Variants in ZBBX observed in about 807,000 individuals in gnomAD.
ZBBX encodes zinc finger B-box domain-containing protein 1.
Under a neutral mutation model 108.5 loss-of-function variants are expected in ZBBX, and 101 were observed. The observed-to-expected ratio is 0.93, with a 90% CI of 0.79 to 1.10. The LOEUF is 1.10. ZBBX is among the 50% of genes least tolerant of loss of function. The pLI, the probability that ZBBX is intolerant of heterozygous loss-of-function variation, is 0.00. For synonymous variants in ZBBX, 356 were observed against 323.4 expected, an observed-to-expected ratio of 1.10 and a Z score of -1.08; for missense variants, 1,009 against 941.4, an observed-to-expected ratio of 1.07 and a Z score of -0.94.
At chr3:167,342,269 C>A (rs1457006875) in intron 9 of ZBBX, among the ~76,000 whole-genome samples, 1 of 151,642 alleles carries the variant, frequency 6.6e-6, no homozygotes, top group Non-Finnish European at 1.5e-5. Flanking sequence ...ATAGGTAGCA[C>A]CTGCAAATTA....
upstream of ZBBX, among the ~76,000 whole-genome samples, chr3:167,382,832 A>G (rs1239368947): frequency 6.6e-6 from 1 of 152,108 alleles, no homozygotes; most frequent in African/African-American, 2.4e-5. Flanking sequence ...CATTTTTCAT[A>G]TCATTTGTAT....
At chr3:167,264,254 T>C (rs1358343818) in intron 20 of ZBBX, among the ~76,000 whole-genome samples, 1 of 152,194 alleles carries the variant, frequency 6.6e-6, no homozygotes, top group Non-Finnish European at 1.5e-5. Context: ...TTATTTGTTT[T>C]CTGGTTGTTT....
chr3:167,242,575 T>C lies in ZBBX; in HGVS notation c.2323A>G (p.Ile775Val), dbSNP rs755276561. Residue 775 changes from isoleucine (I) to valine (V), a missense_variant, in exon 21 of 22, where the codon ATA becomes GTA. Physicochemically the swap from Ile to Val is conservative, Grantham distance 29 (BLOSUM62 3). Transcript: ENST00000675490. Reference protein sequence around the residue: ...FPDFSSQSLNISQISTDFLKT... With the variant: ...FPDFSSQSLNVSQISTDFLKT... ...AGGAAATCTGTGGAAATCTGACTTA[T>C]ATTCAGTGATTGGCTGCTGAAATCT... 7 of 1,613,700 alleles carry C rather than the reference T, an allele frequency of 4.3e-6. No individual in the cohort carries two copies. Among genetic ancestry groups the C allele is most frequent in the East Asian group, 2.2e-5 (1 of 44,828 alleles).
chr3:167,197,303 C>A, the ZBBX span, among the ~76,000 whole-genome samples: 16 of 137,694 alleles, frequency 1.2e-4, no homozygotes, highest in East Asian at 3.6e-3. Context: ...CTTTGGGAGG[C>A]TGAGGCGGGC....
intron 1 of ZBBX, among the ~76,000 whole-genome samples, chr3:167,402,490 AC>A (rs1209726535): frequency 1.3e-5 from 2 of 152,138 alleles, no homozygotes; most frequent in African/African-American, 4.8e-5. Flanking sequence ...GAAAATAAAA[AC>A]CCAGTGTTAA....
In ZBBX at chr3:167,330,868, G is replaced by GAAAAGAAGAAGAAGAAGAAGAAGA. The variant is rs1553820652; in HGVS notation, c.688-2753_688-2752insTCTTCTTCTTCTTCTTCTTCTTTT. ...AGAGGAGGAGGAGGAGGAGGAGGAGGAGGAGAAGAAGAAGAAGAAGAAGAA... is the reference window on the plus strand; with the variant it reads ...AGAGGAGGAGGAGGAGGAGGAGGAGGAAAAGAAGAAGAAGAAGAAGAAGAAGGAGAAGAAGAAGAAGAAGAAGAA... On this transcript the variant is annotated intron_variant, in intron 10 of 21. Transcript: ENST00000675490. 6.9e-5 allele frequency among the ~76,000 whole-genome samples: 3 copies of GAAAAGAAGAAGAAGAAGAAGAAGA among 43,344 alleles called. No individual in the cohort carries two copies. In the South Asian group the frequency reaches 3.6e-3, roughly 51 times the overall value. The allele number at this position is 43,344 out of a possible 152,430, so 28.4% of individuals were successfully genotyped here. A position where few individuals can be genotyped will look rare whatever the true frequency, so the allele number is the denominator to read the frequency against.
chr3:167,368,211 G>C (rs914333201), intron 5 of ZBBX, among the ~76,000 whole-genome samples: 7 of 151,256 alleles, frequency 4.6e-5, no homozygotes, highest in Non-Finnish European at 8.9e-5. Context: ...TAAATAAAAA[G>C]GAAATAAGAA....
At chr3:167,355,957 G>T (rs1743498014) in intron 8 of ZBBX, among the ~76,000 whole-genome samples, 1 of 151,934 alleles carries the variant, frequency 6.6e-6, no homozygotes, top group African/African-American at 2.4e-5. Context: ...TGCTTATCTT[G>T]TCTGGGACAT....
upstream of ZBBX, among the ~76,000 whole-genome samples, chr3:167,383,424 C>CA (rs1286439571): frequency 1.3e-5 from 2 of 151,888 alleles, no homozygotes; most frequent in South Asian, 2.1e-4. Context: ...CATAAAATTA[C>CA]AAAAAATCCT....
intron 5 of ZBBX, among the ~76,000 whole-genome samples, chr3:167,366,546 C>T (rs990002135): frequency 1.3e-5 from 2 of 151,778 alleles, no homozygotes; most frequent in Admixed American, 6.6e-5. Context: ...GTCCAATTAT[C>T]ATTAAAAAAT....
At chr3:167,367,887 T>G (rs1392790357) in intron 5 of ZBBX, among the ~76,000 whole-genome samples, 2 of 149,324 alleles carry the variant, frequency 1.3e-5, no homozygotes, top group Non-Finnish European at 3.0e-5. Flanking sequence ...AAGTTCTCAT[T>G]AATAAAATTT....
the ZBBX span, among the ~76,000 whole-genome samples, chr3:167,213,601 A>C: frequency 2.0e-5 from 3 of 152,224 alleles, no homozygotes; most frequent in African/African-American, 7.2e-5. Context: ...GGGAGAAAAC[A>C]AACAACTTGA....
At chr3:167,392,581 T>A (rs1295967000) in intron 1 of ZBBX, among the ~76,000 whole-genome samples, 1 of 151,826 alleles carries the variant, frequency 6.6e-6, no homozygotes, top group African/African-American at 2.4e-5. Flanking sequence ...ATCTGAAAGT[T>A]GCATGATGGC....
chr3:167,315,848 TATA>T lies in ZBBX; in HGVS notation c.1195-22_1195-20del, dbSNP rs768765048. ...CATAAGTCTTATTAAATTAATGTTA[TATA>T]ATATTAGTAAGTTCATAAAAATTTA... On this transcript the variant is annotated intron_variant, in intron 14 of 21. Coordinates refer to ENST00000675490, the MANE Select transcript of ZBBX (RefSeq NM_001199201.2). The T allele has an allele frequency of 6.8e-7, 1 of 1,472,498 alleles. No homozygotes were observed. 91.2% of individuals were successfully genotyped at this position (1,472,498 alleles called of 1,614,324 possible).
At chr3:167,191,140 T>C in the ZBBX span, among the ~76,000 whole-genome samples, 2 of 152,138 alleles carry the variant, frequency 1.3e-5, no homozygotes, top group Non-Finnish European at 2.9e-5. Flanking sequence ...ACTGTAAAAG[T>C]AAGAATTGGG....
At chr3:167,390,951 T>G (rs954765920) in intron 1 of ZBBX, among the ~76,000 whole-genome samples, 1 of 152,132 alleles carries the variant, frequency 6.6e-6, no homozygotes, top group African/African-American at 2.4e-5. Flanking sequence ...TTTGACTTCC[T>G]CTCTTCCTAT....
intron 1 of ZBBX, among the ~76,000 whole-genome samples, chr3:167,403,790 G>T (rs1748497478): frequency 6.6e-6 from 1 of 151,772 alleles, no homozygotes; most frequent in African/African-American, 2.4e-5. Context: ...AAAATAAAAT[G>T]AAGAAGTATA....
downstream of ZBBX, among the ~76,000 whole-genome samples, chr3:167,235,853 T>C (rs1720213257): frequency 6.6e-6 from 1 of 151,616 alleles, no homozygotes; most frequent in Non-Finnish European, 1.5e-5. Flanking sequence ...TCATAATCAT[T>C]TACTCAACAA....
In ZBBX at chr3:167,385,826, C is replaced by T. The variant is rs1577142245; in HGVS notation, c.-445-5421G>A. 2.0e-5 allele frequency among the ~76,000 whole-genome samples: 3 copies of T among 152,110 alleles called. No homozygotes were observed. The East Asian group carries it at 5.8e-4, about 29-fold the overall frequency. On this transcript the variant is annotated intron_variant, in intron 1 of 21. Coordinates refer to the ZBBX transcript ENST00000455345. Reference sequence around the variant, plus strand: ...TGGGGCCACCATTGTATATGTCATCCCGTCACTGACTGAAACTTACATGGT... The same window carrying T: ...TGGGGCCACCATTGTATATGTCATCTCGTCACTGACTGAAACTTACATGGT...
Sources: allele counts gnomAD v4.1 joint callset (sites outside exome capture counted in the v4.1 genomes callset), GRCh38; gene constraint gnomAD v4.1.1; transcripts MANE v1.5; gene names NCBI Gene and HGNC (gene_info 2026-07-23, HGNC 2026-07-21).